Variants in WDR62 observed in about 807,000 individuals in gnomAD.
WDR62 encodes the protein WD repeat domain 62.
Under a neutral mutation model 160.6 loss-of-function variants are expected in WDR62, and 112 were observed. The ratio of observed to expected loss-of-function variants is 0.70; its 90% CI spans 0.60 to 0.82. WDR62 has a LOEUF of 0.82. Ranked by LOEUF, WDR62 falls within the 40% of genes least tolerant of loss-of-function variation. The pLI, the probability that WDR62 is intolerant of heterozygous loss-of-function variation, is 0.00. For synonymous variants in WDR62, 792 were observed against 815.1 expected (o/e 0.97, Z 0.48); for missense variants, 1,819 against 1,983.8 (o/e 0.92, Z 1.58).
chr19:36,110,141 C>T, the WDR62 span, among the ~76,000 whole-genome samples: 65 of 151,880 alleles, frequency 4.3e-4, no homozygotes, highest in Admixed American at 2.6e-4. Flanking sequence ...GCCAGTGTGC[C>T]GGGGTAGGGT....
In WDR62 at chr19:36,071,717, G is replaced by C. The variant is rs772763992; in HGVS notation, c.1043+1G>C. 6.2e-7 allele frequency: 1 copy of C among 1,612,156 alleles called. No individual in the cohort carries two copies. Among genetic ancestry groups the C allele is most frequent in the Non-Finnish European group, 8.5e-7 (1 of 1,178,668 alleles). ...ACGTGGCACAGGGCCTGGAGCCCAG[G>C]TACTGCCCTGTGGGGAGAGGGAATG... On this transcript the variant is annotated splice_donor_variant, in intron 8 of 31. Transcript: ENST00000401500. LOFTEE classifies it high-confidence loss of function.
intron 3 of WDR62, 59 bp downstream of exon 3, chr19:36,060,089 T>A: frequency 2.0e-6 from 3 of 1,531,692 alleles, no homozygotes; most frequent in South Asian, 2.2e-5. Flanking sequence ...ACGCCTCCCC[T>A]CCCCTACACA....
At chr19:36,106,946 C>T (rs1401023477), downstream of WDR62, among the ~76,000 whole-genome samples, 2 of 152,164 alleles carry the variant, frequency 1.3e-5, no homozygotes, top group Non-Finnish European at 2.9e-5. Context: ...CTAGTTCGGC[C>T]ACCATTGCCC....
Position 36,105,106 on chromosome 19 carries a change from G to A in WDR62, c.*78G>A. On this transcript the variant is annotated 3_prime_UTR_variant, in exon 32 of 32. Transcript: ENST00000401500. Reference sequence around the variant, plus strand: ...AAGCGAATAAACTGACAGCTTTGAGGAATGGTTCCTGGTGTCTGTTTGGGC... The same window carrying A: ...AAGCGAATAAACTGACAGCTTTGAGAAATGGTTCCTGGTGTCTGTTTGGGC... 6.6e-7 allele frequency: 1 copy of A among 1,521,164 alleles called. No homozygotes were observed. The highest frequency in any genetic ancestry group is 1.2e-5 in the South Asian group (1 of 83,232). 94.2% of individuals were successfully genotyped at this position (1,521,164 alleles called of 1,614,324 possible). A position where few individuals can be genotyped will look rare whatever the true frequency, so the allele number is the denominator to read the frequency against.
intron 7 of WDR62, among the ~76,000 whole-genome samples, chr19:36,069,887 A>G (rs1211693321): frequency 3.9e-5 from 6 of 152,058 alleles, no homozygotes; most frequent in African/African-American, 1.4e-4. Context: ...AATCGCAGGC[A>G]CTCGGCAGGC....
intron 3 of WDR62, chr19:36,060,727 C>T (rs1970604252): frequency 6.5e-6 from 1 of 153,182 alleles, no homozygotes; most frequent in Non-Finnish European, 1.5e-5. Context: ...AAATTTGCTC[C>T]CATCTCTGAT....
downstream of WDR62, among the ~76,000 whole-genome samples, chr19:36,108,562 G>A (rs1973751883): frequency 7.0e-6 from 1 of 142,818 alleles, no homozygotes. Context: ...CCCAGAGGAG[G>A]GATTCCTCGG....
At chr19:36,071,246 A>G (rs901860275) in intron 7 of WDR62, among the ~76,000 whole-genome samples, 2 of 152,100 alleles carry the variant, frequency 1.3e-5, no homozygotes, top group Admixed American at 6.5e-5. Context: ...CCCTGTTACT[A>G]CAAGTGACTT....
chr19:36,055,299 A>T, intron 1 of WDR62, 151 bp downstream of exon 1: 1 of 766,950 alleles, frequency 1.3e-6, no homozygotes, highest in Non-Finnish European at 2.1e-6. Flanking sequence ...CCGCCCCTTT[A>T]GCCACGGCCC....
intron 24 of WDR62, 148 bp from the exon 25 acceptor site, chr19:36,101,516 G>A (rs546374820): frequency 2.8e-5 from 22 of 795,074 alleles, no homozygotes; most frequent in Non-Finnish European, 4.5e-5. Context: ...TCCTTGATGT[G>A]GAACTTCCCT....
intron 18 of WDR62, among the ~76,000 whole-genome samples, chr19:36,092,092 T>A (rs1430828313): frequency 6.6e-6 from 1 of 151,384 alleles, no homozygotes; most frequent in Non-Finnish European, 1.5e-5. Context: ...GGATGGATCA[T>A]CTGAGGTCAG....
chr19:36,057,134 G>A (rs1252327180), intron 1 of WDR62, among the ~76,000 whole-genome samples: 7 of 152,036 alleles, frequency 4.6e-5, no homozygotes, highest in Admixed American at 1.3e-4. Context: ...ACTTATCTGT[G>A]CCTCAGTTTT....
At chr19:36,069,418 G>A (rs1038299556) in intron 7 of WDR62, among the ~76,000 whole-genome samples, 6 of 148,844 alleles carry the variant, frequency 4.0e-5, no homozygotes, top group Non-Finnish European at 5.9e-5. Context: ...GGCGCTCCCC[G>A]CATCTCAGAC....
intron 19 of WDR62, 36 bp from the exon 20 acceptor site, chr19:36,093,995 G>A (rs1972794816): frequency 6.2e-7 from 1 of 1,612,622 alleles, no homozygotes; most frequent in Non-Finnish European, 8.5e-7. Flanking sequence ...CCATTTGCCT[G>A]TATTCTCTCC....
In WDR62 at chr19:36,099,551, C is replaced by G. The variant is rs776832931; in HGVS notation, c.2673C>G (p.Pro891=). ...ATTGCTACTTTACCCCCATGAAGCC[C>G]GAGAGTCTGGAGAACTCCATTCTGG... ...DLDCYFTPMK[P]ESLENSILDS... Residue 891 remains proline (P), a synonymous_variant, in exon 22 of 32, where the codon CCC becomes CCG. Coordinates refer to ENST00000401500, the MANE Select transcript of WDR62 (RefSeq NM_001083961.2). 1.2e-6 allele frequency: 2 copies of G among 1,614,074 alleles called. No homozygotes were observed. The highest frequency in any genetic ancestry group is 2.7e-5 in the African/African-American group (2 of 74,922).
Position 36,089,090 on chromosome 19 carries a change from T to C in WDR62, c.1821T>C (p.Phe607=), listed in dbSNP as rs143322183. Residue 607 remains phenylalanine, a synonymous_variant, in exon 14 of 32, where the codon TTT becomes TTC. Coordinates refer to ENST00000401500, the MANE Select transcript of WDR62 (RefSeq NM_001083961.2). The part of the protein sequence containing the change: ...ISCGADKSIY[F]RSAQQGSDGL... ...GTGGGGCTGACAAGAGCATCTACTT[T>C]CGCAGTGCCCAGCAGGTAGGGTGGC... The C allele has an allele frequency of 6.2e-6, 10 of 1,613,926 alleles. No individual in the cohort carries two copies. Among genetic ancestry groups the C allele is most frequent in the Admixed American group, 1.7e-5 (1 of 60,002 alleles).
chr19:36,084,768 TG>T (rs771371025), intron 12 of WDR62, 24 bp downstream of exon 12: 2 of 1,608,826 alleles, frequency 1.2e-6, no homozygotes, highest in Non-Finnish European at 1.7e-6. Flanking sequence ...AGGGGTGGAA[TG>T]GGGGTCAGGC....
intron 1 of WDR62, 71 bp from the exon 2 acceptor site, chr19:36,058,709 G>C: frequency 7.9e-7 from 1 of 1,272,616 alleles, no homozygotes; most frequent in Non-Finnish European, 1.1e-6. Context: ...ACCTGAATGG[G>C]TGGCCAAGGC....
At chr19:36,083,028 T>G (rs780408951) in intron 10 of WDR62, 35 bp from the exon 11 acceptor site, 2 of 1,596,064 alleles carry the variant, frequency 1.3e-6, no homozygotes, top group African/African-American at 2.7e-5. Flanking sequence ...GCTTCTGAGC[T>G]GCTCGTGCTG....
Sources: allele counts gnomAD v4.1 joint callset (sites outside exome capture counted in the v4.1 genomes callset), GRCh38; gene constraint gnomAD v4.1.1; transcripts MANE v1.5; gene names NCBI Gene and HGNC (gene_info 2026-07-23, HGNC 2026-07-21).